The following NOL6 variants were observed in gnomAD, a reference collection of about 807,000 sequenced individuals.
NOL6 encodes the protein nucleolar RNA-associated protein.
NOL6 carries 33 observed loss-of-function variants against 131.7 expected under a neutral mutation model. That is an observed-to-expected ratio of 0.25 (90% CI 0.19 to 0.33). The LOEUF is 0.33. Among genes scored for constraint, NOL6 ranks in the 10% least tolerant of loss-of-function variants. The pLI, the probability that NOL6 is intolerant of heterozygous loss-of-function variation, is 1.00. For missense variants in NOL6, 1,297 were observed against 1,494.5 expected (o/e 0.87, Z 2.18); for synonymous variants, 580 against 605.7 (o/e 0.96, Z 0.62).
chr9:33,467,403 G>C lies in NOL6; in HGVS notation c.1716C>G (p.Asp572Glu). The change falls in exon 13 of 26, where the codon GAC becomes GAG. Residue 572 changes from aspartate (D) to glutamate (E), a missense_variant. Physicochemically the swap from Asp to Glu is conservative, Grantham distance 45. Coordinates refer to ENST00000297990, the MANE Select transcript of NOL6 (RefSeq NM_022917.5). This position sits in a 1 kb window ranked among gnomAD's most constrained non-coding sequence, Gnocchi z 4.4. Reference sequence around the variant, plus strand: ...TGCTGGGGTCCCCCACCTCAGGCTGGTCTGCCTCTGGACCCAGCTCAAGGA... The same window carrying C: ...TGCTGGGGTCCCCCACCTCAGGCTGCTCTGCCTCTGGACCCAGCTCAAGGA... ...TSVLELGPEA[D>E]QPEAAKFRQF... is the part of the protein sequence containing the mutation. 6.2e-7 allele frequency: 1 copy of C among 1,614,148 alleles called. No individual in the cohort carries two copies. Among genetic ancestry groups the C allele is most frequent in the Non-Finnish European group, 8.5e-7 (1 of 1,180,000 alleles).
rs998753673 is a variant in NOL6, at chr9:33,463,405, G to C, written c.3031C>G (p.Leu1011Val). 1 of 1,613,830 alleles carries C rather than the reference G, an allele frequency of 6.2e-7. No homozygotes were observed. The highest frequency in any genetic ancestry group is 8.5e-7 in the Non-Finnish European group (1 of 1,179,890). The change falls in exon 24 of 26, where the codon CTG becomes GTG. Residue 1011 changes from leucine (L) to valine (V), a missense_variant. By Grantham distance (32) the Leu-to-Val change is conservative. Transcript: ENST00000297990. ...ATATGGCGAGGAGACAGGCGAATCAGCACGTCGTAAATGTCCAAGGGCGGC... is the reference window on the plus strand; with the variant it reads ...ATATGGCGAGGAGACAGGCGAATCACCACGTCGTAAATGTCCAAGGGCGGC... Reference protein sequence around the residue: ...FRPPLDIYDVLIRLSPRHIPR... With the variant: ...FRPPLDIYDVVIRLSPRHIPR...
Position 33,470,112 on chromosome 9 carries a change from C to A in NOL6, c.458G>T (p.Arg153Leu). Reference protein sequence around the residue: ...QVPYAVKGCFRFLPPAQVTVV... With the variant: ...QVPYAVKGCFLFLPPAQVTVV... ...AGTAACCTGGGCTGGGGGCAGGAAG[C>A]GGAAACAGCCCTTCACGGCATAGGG... The change falls in exon 4 of 26, where the codon CGC becomes CTC. Residue 153 changes from arginine to leucine, a missense_variant. Coordinates refer to ENST00000297990, the MANE Select transcript of NOL6 (RefSeq NM_022917.5). The A allele has an allele frequency of 6.2e-7, 1 of 1,612,676 alleles. No individual in the cohort carries two copies. The highest frequency in any genetic ancestry group is 1.1e-5 in the South Asian group (1 of 90,894).
rs775088144 is a variant in NOL6 at position 33,465,198 on chromosome 9, G to A, written c.2681+9C>T. ...ACTTCTCAGCTGGGGAAAAAGTGGA[G>A]GGAATCACCTCGGAGGGGTGAAGGG... On this transcript the variant is annotated intron_variant, in intron 20 of 25. Transcript: ENST00000297990. 2.3e-5 allele frequency: 37 copies of A among 1,585,336 alleles called. No individual in the cohort carries two copies. Among genetic ancestry groups the A allele is most frequent in the Middle Eastern group, 3.3e-4 (2 of 6,014 alleles).
rs758465557 is a variant in NOL6 at position 33,463,860 on chromosome 9, T to G, written c.2965A>C (p.Met989Leu). 4 of 1,614,046 alleles carry G rather than the reference T, an allele frequency of 2.5e-6. 1 individual carries two copies. The South Asian group carries it at 4.4e-5, about 18-fold the overall frequency. ...ATGTCCCCAGGTCCCCGGGGATCCA[T>G]GAGCTGCTTCTCTAACATGGGCAGG... is the stretch of plus-strand genomic sequence containing the variant. ...EALPMLEKQL[M>L]DPRGPGDIRT... Residue 989 changes from methionine (M) to leucine (L), a missense_variant, in exon 23 of 26, where the codon ATG becomes CTG. Physicochemically the swap from Met to Leu is conservative, Grantham distance 15. Coordinates refer to ENST00000297990, the MANE Select transcript of NOL6 (RefSeq NM_022917.5).
rs756301443 is a variant in NOL6, at chr9:33,463,342, A to C, written c.3094T>G (p.Ser1032Ala). 1 of 1,614,104 alleles carries C rather than the reference A, an allele frequency of 6.2e-7. No individual in the cohort carries two copies. Among genetic ancestry groups the C allele is most frequent in the Non-Finnish European group, 8.5e-7 (1 of 1,179,972 alleles). The change falls in exon 24 of 26, where the codon TCC becomes GCC. Residue 1032 changes from serine to alanine, a missense_variant. Transcript: ENST00000297990. ...HRQAVDSPAA[S>A]FCRGLLSQPG... ...TGGCTGAGCAGGCCCCGGCAGAAGG[A>C]GGCAGCTGGCGAGTCCACAGCCTGG... is the stretch of plus-strand genomic sequence containing the variant.
chr9:33,469,647 G>T lies in NOL6; in HGVS notation c.579C>A (p.Asp193Glu). 1 of 1,611,448 alleles carries T rather than the reference G, an allele frequency of 6.2e-7. No homozygotes were observed. The highest frequency in any genetic ancestry group is 8.5e-7 in the Non-Finnish European group (1 of 1,179,272). The change falls in exon 5 of 26, where the codon GAC (aspartate) becomes GAA (glutamate). Residue 193 changes from aspartate (D) to glutamate (E), a missense_variant. Coordinates refer to ENST00000297990, the MANE Select transcript of NOL6 (RefSeq NM_022917.5). ...TMPREILQDK[D>E]GLNQRYFRKR... ...TGCGGAAGTAGCGCTGGTTCAGCCC[G>T]TCCTTGTCCTGTAGGATTTCCTGGA...
Position 33,466,292 on chromosome 9 carries a change from C to T in NOL6, c.2209+16G>A, listed in dbSNP as rs768802218. Reference sequence around the variant, plus strand: ...CTGGAACTATCCCTCCCACTCCCTCCCAAGGGCCCTCTTACCGGTCATGGG... The same window carrying T: ...CTGGAACTATCCCTCCCACTCCCTCTCAAGGGCCCTCTTACCGGTCATGGG... On this transcript the variant is annotated intron_variant, in intron 17 of 25. Transcript: ENST00000297990. 2 of 1,614,004 alleles carry T rather than the reference C, an allele frequency of 1.2e-6. No homozygotes were observed. Among genetic ancestry groups the T allele is most frequent in the South Asian group, 2.2e-5 (2 of 91,078 alleles).
Position 33,466,440 on chromosome 9 carries a change from G to A in NOL6, c.2092-15C>T. ...GGTGGGAACACCTGTGGAAGAAGAG[G>A]GGCTGAGGAATGGGCCTAGGACTGG... On this transcript the variant is annotated splice_polypyrimidine_tract_variant and intron_variant, in intron 16 of 25. Coordinates refer to ENST00000297990, the MANE Select transcript of NOL6 (RefSeq NM_022917.5). 1.2e-6 allele frequency: 2 copies of A among 1,613,950 alleles called. No individual in the cohort carries two copies. Among genetic ancestry groups the A allele is most frequent in the Non-Finnish European group, 1.7e-6 (2 of 1,179,804 alleles).
At chr9:33,466,770 C>T in intron 15 of NOL6, 61 bp from the exon 16 acceptor site, 2 of 1,599,178 alleles carry the variant, frequency 1.3e-6, no homozygotes, top group Non-Finnish European at 1.7e-6. Context: ...CACCTGGATT[C>T]TGCCCCAGCT....
At position 33,463,248 on chromosome 9, in the gene NOL6, C is replaced by A. The variant is rs369399799; in HGVS notation, c.3188G>T (p.Arg1063Met). The change falls in exon 24 of 26, where the codon AGG (arginine) becomes ATG (methionine). Residue 1063 changes from arginine to methionine, a missense_variant and splice_region_variant. Coordinates refer to ENST00000297990, the MANE Select transcript of NOL6 (RefSeq NM_022917.5). ...GTCATTCAGCTGTTTAGGACCAACC[C>A]TGAGCTGCGTCAGATAGAGCTGAGG... ...DPPQLYLTQL[R>M]EAFGDLALFF... 1.2e-6 allele frequency: 2 copies of A among 1,613,456 alleles called. No homozygotes were observed. Among genetic ancestry groups the A allele is most frequent in the Non-Finnish European group, 1.7e-6 (2 of 1,179,504 alleles).
Position 33,469,100 on chromosome 9 carries a change from G to T in NOL6, c.884C>A (p.Pro295His), listed in dbSNP as rs746229889. Residue 295 changes from proline to histidine, a missense_variant, in exon 7 of 26, where the codon CCC becomes CAC. By Grantham distance (77) the Pro-to-His change is moderately conservative. Coordinates refer to ENST00000297990, the MANE Select transcript of NOL6 (RefSeq NM_022917.5). ...AGDGSPEPPT[P>H]RYNTWVLQDT... The stretch of plus-strand genomic sequence containing the variant: ...TTGCAGGACCCATGTGTTATAGCGG[G>T]GGGTAGGAGGCTCTGGGCTACCTGT... 3 of 1,614,094 alleles carry T rather than the reference G, an allele frequency of 1.9e-6. No individual in the cohort carries two copies. In the African/African-American group the frequency reaches 4.0e-5, roughly 22 times the overall value.
At position 33,462,133 on chromosome 9, in the gene NOL6, A is replaced by G. The variant is rs902728120; in HGVS notation, c.*531T>C. On this transcript the variant is annotated 3_prime_UTR_variant, in exon 26 of 26. Transcript: ENST00000297990. ...GCATTGTGCTCCTTCAATGTGGTCTATTCATACACATATAGCCCCTTTCCA... is the reference window on the plus strand; with the variant it reads ...GCATTGTGCTCCTTCAATGTGGTCTGTTCATACACATATAGCCCCTTTCCA... 29 of 717,322 alleles carry G rather than the reference A, an allele frequency of 4.0e-5. No homozygotes were observed. The highest frequency in any genetic ancestry group is 6.8e-5 in the Non-Finnish European group (26 of 385,068). The allele number at this position is 717,322 out of a possible 1,614,324, so 44.4% of individuals were successfully genotyped here. A position where few individuals can be genotyped will look rare whatever the true frequency, so the allele number is the denominator to read the frequency against.
At chr9:33,465,463 ATCT>A in intron 19 of NOL6, 104 bp from the exon 20 acceptor site, 1 of 1,307,862 alleles carries the variant, frequency 7.6e-7, no homozygotes, top group African/African-American at 1.5e-5. Context: ...TACATATGTA[ATCT>A]CATATTCTCT....
At position 33,469,278 on chromosome 9, in the gene NOL6, G is replaced by A. The variant is rs774814675; in HGVS notation, c.791C>T (p.Pro264Leu). The A allele has an allele frequency of 8.7e-6, 14 of 1,614,050 alleles. No homozygotes were observed. The highest frequency in any genetic ancestry group is 6.7e-5 in the African/African-American group (5 of 74,916). Residue 264 changes from proline to leucine, a missense_variant, in exon 6 of 26, where the codon CCG (proline) becomes CTG (leucine). By Grantham distance (98) the Pro-to-Leu change is moderately conservative (BLOSUM62 -3). Transcript: ENST00000297990. ...GTTCTTGGTTGGCAGCAAGCGGCACGGGCGGAAGAAGTCAGGTGGAGGGCA... is the reference window on the plus strand; with the variant it reads ...GTTCTTGGTTGGCAGCAAGCGGCACAGGCGGAAGAAGTCAGGTGGAGGGCA... ...HPCPPPDFFR[P>L]CRLLPTKNNV...
chr9:33,464,230 C>T, intron 21 of NOL6, 69 bp from the exon 22 acceptor site: 1 of 1,517,666 alleles, frequency 6.6e-7, no homozygotes, highest in Non-Finnish European at 8.8e-7. Flanking sequence ...CCCCCAGGTC[C>T]TCCTACGGTG....
In NOL6 at chr9:33,462,097, A is replaced by G. The variant is rs2777749; in HGVS notation, c.*567T>C. On this transcript the variant is annotated 3_prime_UTR_variant, in exon 26 of 26. Coordinates refer to ENST00000297990, the MANE Select transcript of NOL6 (RefSeq NM_022917.5). ...TGTCTCCACCCTGGGAAGTGGCATC[A>G]ACACAGGAGGGCATTGTGCTCCTTC... 6.6e-3 allele frequency: 4,706 copies of G among 715,456 alleles called. 139 individuals are homozygous for G. In the African/African-American group the frequency reaches 0.072, roughly 11 times the overall value. 44.3% of individuals were successfully genotyped at this position (715,456 alleles called of 1,614,324 possible).
intron 3 of NOL6, among the ~76,000 whole-genome samples, chr9:33,471,002 G>T (rs1331214590): frequency 6.6e-6 from 1 of 152,068 alleles, no homozygotes; most frequent in Non-Finnish European, 1.5e-5. Flanking sequence ...GCTGGGCACG[G>T]TGGCTCACAC....
rs772903125 is a variant in NOL6 at position 33,463,375 on chromosome 9, G to A, written c.3061C>T (p.Arg1021Trp). 6.2e-6 allele frequency: 10 copies of A among 1,613,974 alleles called. No homozygotes were observed. The highest frequency in any genetic ancestry group is 1.3e-5 in the African/African-American group (1 of 74,922). ...GGCGAGTCCACAGCCTGGCGGTGCC[G>A]CGGGATATGGCGAGGAGACAGGCGA... The part of the protein sequence containing the change: ...LIRLSPRHIP[R>W]HRQAVDSPAA... Residue 1021 changes from arginine to tryptophan, a missense_variant, in exon 24 of 26, where the codon CGG becomes TGG. Transcript: ENST00000297990.
chr9:33,464,285 C>A (rs557750035), intron 21 of NOL6, 124 bp from the exon 22 acceptor site: 870 of 1,149,006 alleles, frequency 7.6e-4, no homozygotes, highest in Middle Eastern at 1.3e-3. Flanking sequence ...CACTCCCCCC[C>A]ACCAAGTGGC....
Sources: gnomAD v4.1 joint callset for allele counts (sites outside exome capture counted in the v4.1 genomes callset) on GRCh38, gnomAD v4.1.1 for gene constraint, Gnocchi (gnomAD v3.1) non-coding constraint, MANE v1.5 for transcripts, NCBI Gene and HGNC (gene_info 2026-07-23, HGNC 2026-07-21) for gene names.